BCR: variants seen among roughly 807,000 people sequenced by gnomAD.
BCR encodes the protein BCR activator of RhoGEF and GTPase.
BCR carries 58 observed loss-of-function variants against 138.6 expected under a neutral mutation model. That is an observed-to-expected ratio of 0.42 (90% CI 0.34 to 0.52). The LOEUF (loss-of-function observed/expected upper bound fraction) is 0.52. BCR is among the 20% of genes least tolerant of loss of function. BCR has a pLI of 0.06. For missense variants in BCR, 1,599 were observed against 1,727.2 expected (o/e 0.93, Z 1.32); for synonymous variants, 786 against 730.1 (o/e 1.08, Z -1.23).
In BCR at chr22:23,316,137, C is replaced by T. The variant is rs2074069354; in HGVS notation, c.*615C>T. 5.9e-6 allele frequency: 1 copy of T among 169,680 alleles called. No individual in the cohort carries two copies. The highest frequency in any genetic ancestry group is 1.3e-4 in the East Asian group (1 of 7,960). The allele number at this position is 169,680 out of a possible 1,614,324, so 10.5% of individuals were successfully genotyped here. ...TTGTGCAGAAATGGGTCTTTTGTTG[C>T]CATGTTAGTCCTCCTTGGAAGGCAG... On this transcript the variant is annotated 3_prime_UTR_variant, in exon 23 of 23. Transcript: ENST00000305877.
chr22:23,230,515 C>G (rs1213026336), intron 1 of BCR, among the ~76,000 whole-genome samples: 1 of 152,266 alleles, frequency 6.6e-6, no homozygotes, highest in Non-Finnish European at 1.5e-5. Flanking sequence ...GCAGGCCTGC[C>G]TGCTGGGCCT....
chr22:23,311,932 T>C (rs1045850265), intron 19 of BCR, 96 bp downstream of exon 19: 2 of 1,517,346 alleles, frequency 1.3e-6, no homozygotes, highest in African/African-American at 2.8e-5. Flanking sequence ...TGTCACATCC[T>C]TCTCTGTGTC....
intron 16 of BCR, among the ~76,000 whole-genome samples, chr22:23,299,694 TTATATATATATA>T (rs10532946): frequency 1.2e-4 from 17 of 145,896 alleles, no homozygotes; most frequent in Admixed American, 8.2e-4. Flanking sequence ...GATCTAGAGT[TTATATATATATA>T]TATATATATA....
chr22:23,283,452 T>A (rs1445450220), intron 8 of BCR: 2 of 154,254 alleles, frequency 1.3e-5, no homozygotes, highest in Non-Finnish European at 2.9e-5. Flanking sequence ...TAGACCATAC[T>A]GCCACATCTG....
intron 15 of BCR, among the ~76,000 whole-genome samples, chr22:23,293,737 G>C (rs5996516): frequency 0.34 from 50,894 of 151,858 alleles, 9,084 homozygotes; most frequent in African/African-American, 0.45. Flanking sequence ...AGCAGGTCAC[G>C]TCCACCACCC....
chr22:23,180,763 CGCGCCCCGCCCCGCGCGCCGA>C lies in BCR; in HGVS notation c.-188_-168del, dbSNP rs1212466604. ...GCGCAGCCCGCGCCCTTCCCCCCGGCGCGCCCCGCCCCGCGCGCCGAGCGCCCCGCTCCGCCTCACCTGCCA... is the reference window on the plus strand; with the variant it reads ...GCGCAGCCCGCGCCCTTCCCCCCGGCGCGCCCCGCTCCGCCTCACCTGCCA... On this transcript the variant is annotated 5_prime_UTR_variant, in exon 1 of 23. Transcript: ENST00000305877. 1.8e-4 allele frequency: 29 copies of C among 160,142 alleles called. No homozygotes were observed. Among genetic ancestry groups the C allele is most frequent in the Middle Eastern group, 3.3e-3 (1 of 306 alleles). 9.9% of individuals were successfully genotyped at this position (160,142 alleles called of 1,614,324 possible).
At chr22:23,198,842 G>T (rs2072513018) in intron 1 of BCR, among the ~76,000 whole-genome samples, 2 of 152,230 alleles carry the variant, frequency 1.3e-5, no homozygotes, top group South Asian at 4.2e-4. Flanking sequence ...TAACAGGACT[G>T]GGCACAGTAG....
At chr22:23,185,225 C>T (rs914557239) in intron 1 of BCR, among the ~76,000 whole-genome samples, 5 of 152,178 alleles carry the variant, frequency 3.3e-5, no homozygotes, top group African/African-American at 9.7e-5. Context: ...CCGTTTGGCA[C>T]GTGGTGGCCC....
At chr22:23,313,123 C>T (rs576302935) in intron 20 of BCR, 102 bp downstream of exon 20, 3 of 1,412,158 alleles carry the variant, frequency 2.1e-6, no homozygotes, top group African/African-American at 2.9e-5. Flanking sequence ...AAGCTGTGCC[C>T]CCTCTGCCAT....
intron 1 of BCR, among the ~76,000 whole-genome samples, chr22:23,247,182 A>G (rs1250281605): frequency 1.3e-5 from 2 of 152,170 alleles, no homozygotes; most frequent in Non-Finnish European, 2.9e-5. Flanking sequence ...GGAGGCCAAG[A>G]GGAGGGCAGG....
chr22:23,247,926 G>A lies in BCR; in HGVS notation c.1280-5873G>A, dbSNP rs941125198. 2.6e-5 allele frequency among the ~76,000 whole-genome samples: 4 copies of A among 152,306 alleles called. No homozygotes were observed. In the East Asian group the frequency reaches 7.7e-4, roughly 29 times the overall value. On this transcript the variant is annotated intron_variant, in intron 1 of 22. Coordinates refer to ENST00000305877, the MANE Select transcript of BCR (RefSeq NM_004327.4). ...TTTTAAGGCTGAATGATGTTCCATT[G>A]CGTGTATACATTACATTGTGCTTCT...
chr22:23,269,508 C>T (rs1366934155), intron 5 of BCR, among the ~76,000 whole-genome samples: 2 of 152,222 alleles, frequency 1.3e-5, no homozygotes, highest in Admixed American at 1.3e-4. Flanking sequence ...GTTGCTGAGG[C>T]TTTGTGCCGT....
chr22:23,263,706 G>A, intron 4 of BCR: 3 of 1,395,456 alleles, frequency 2.1e-6, no homozygotes, highest in South Asian at 2.3e-5. Flanking sequence ...TCGCTGCCAA[G>A]TACTGGGCTC....
rs186831730 is a variant in BCR at position 23,282,447 on chromosome 22, G to A, written c.2116-1530G>A. Among the ~76,000 whole-genome samples, 293 of 152,340 alleles carry A rather than the reference G, an allele frequency of 1.9e-3. 1 individual carries two copies. The highest frequency in any genetic ancestry group is 6.7e-3 in the African/African-American group (278 of 41,586). On this transcript the variant is annotated intron_variant, in intron 8 of 22. Transcript: ENST00000305877. ...TCATTGGTTCCCCTTCGCAAGAGCC[G>A]GCTGCCTGTCGTGAGCCAAGCTGCT...
chr22:23,191,085 A>G (rs2072407642), intron 1 of BCR, among the ~76,000 whole-genome samples: 1 of 152,006 alleles, frequency 6.6e-6, no homozygotes, highest in Non-Finnish European at 1.5e-5. Flanking sequence ...GGCGCGTGCC[A>G]CCATGCCTGG....
At chr22:23,206,184 T>C (rs2072610779) in intron 1 of BCR, among the ~76,000 whole-genome samples, 1 of 152,204 alleles carries the variant, frequency 6.6e-6, no homozygotes, top group African/African-American at 2.4e-5. Flanking sequence ...AGGCTGGCCA[T>C]GAGCTAATAA....
intron 1 of BCR, among the ~76,000 whole-genome samples, chr22:23,203,936 A>G (rs1227854141): frequency 1.3e-5 from 2 of 152,200 alleles, no homozygotes; most frequent in African/African-American, 4.8e-5. Context: ...AGGGACTTGC[A>G]TGGCTGCACT....
At chr22:23,287,071 A>T (rs1251558135) in intron 10 of BCR, 88 bp from the exon 11 acceptor site, 1 of 1,541,364 alleles carries the variant, frequency 6.5e-7, no homozygotes, top group Non-Finnish European at 8.8e-7. Context: ...TGCAGGCTGA[A>T]TGCAGCTGGT....
chr22:23,230,939 G>C (rs1317887165), intron 1 of BCR, among the ~76,000 whole-genome samples: 1 of 152,210 alleles, frequency 6.6e-6, no homozygotes, highest in African/African-American at 2.4e-5. Context: ...AGGTGGAGTA[G>C]AGGGCACAGT....
Sources: allele counts gnomAD v4.1 joint callset (sites outside exome capture counted in the v4.1 genomes callset), GRCh38; gene constraint gnomAD v4.1.1; transcripts MANE v1.5; gene names NCBI Gene and HGNC (gene_info 2026-07-23, HGNC 2026-07-21).